MACROD2: variants seen among roughly 807,000 people sequenced by gnomAD.
The protein encoded by MACROD2 is ADP-ribose glycohydrolase MACROD2.
In MACROD2, 36 loss-of-function variants were observed where a neutral mutation model predicts 70.4. That is an observed-to-expected ratio of 0.51 (90% CI 0.39 to 0.68). The LOEUF is 0.68. Ranked by LOEUF, MACROD2 falls within the 30% of genes least tolerant of loss-of-function variation. The probability of loss-of-function intolerance (pLI) is 0.00; values close to 1 mark genes in which losing one functional copy is unlikely to be tolerated. For synonymous variants in MACROD2, 172 were observed against 178.8 expected, an observed-to-expected ratio of 0.96 and a Z score of 0.30; for missense variants, 496 against 538.4, an observed-to-expected ratio of 0.92 and a Z score of 0.78.
intron 5 of MACROD2, among the ~76,000 whole-genome samples, chr20:15,113,729 A>T (rs2123228008): frequency 6.6e-6 from 1 of 151,362 alleles, no homozygotes; most frequent in Admixed American, 6.6e-5. Flanking sequence ...TGAACAAAAA[A>T]CTTAAAGATA....
chr20:14,674,811 C>A (rs547561880), intron 4 of MACROD2, among the ~76,000 whole-genome samples: 1 of 152,088 alleles, frequency 6.6e-6, no homozygotes, highest in Non-Finnish European at 1.5e-5. Context: ...TTTAAAGAAC[C>A]CTGTTGTATC....
chr20:15,466,584 T>C (rs2046892749), intron 7 of MACROD2, among the ~76,000 whole-genome samples: 1 of 152,232 alleles, frequency 6.6e-6, no homozygotes. Flanking sequence ...CTCATCATTC[T>C]TTGCTATTCC....
chr20:14,227,581 A>T (rs2081753760), intron 3 of MACROD2, among the ~76,000 whole-genome samples: 1 of 152,224 alleles, frequency 6.6e-6, no homozygotes, highest in African/African-American at 2.4e-5. Context: ...CTCCGAACGC[A>T]TCTGAACATC....
At chr20:15,561,056 T>C (rs140037868) in intron 8 of MACROD2, among the ~76,000 whole-genome samples, 2 of 152,190 alleles carry the variant, frequency 1.3e-5, no homozygotes, top group Non-Finnish European at 2.9e-5. Context: ...ACAGACACTG[T>C]GATACTCTTG....
chr20:14,354,502 A>C (rs2083154917), intron 3 of MACROD2, among the ~76,000 whole-genome samples: 1 of 152,108 alleles, frequency 6.6e-6, no homozygotes, highest in Admixed American at 6.5e-5. Flanking sequence ...CAGTTTTTAA[A>C]GTGATGGATG....
intron 8 of MACROD2, among the ~76,000 whole-genome samples, chr20:15,570,029 G>A (rs2048356917): frequency 1.3e-5 from 2 of 152,088 alleles, no homozygotes; most frequent in Non-Finnish European, 2.9e-5. Context: ...GGATTATATG[G>A]TAGTTTTATT....
chr20:15,725,346 G>A lies in MACROD2; in HGVS notation c.646-137399G>A, dbSNP rs182531556. 3.1e-3 allele frequency among the ~76,000 whole-genome samples: 464 copies of A among 151,524 alleles called. 3 individuals are homozygous for A. Among genetic ancestry groups the A allele is most frequent in the African/African-American group, 0.01 (434 of 41,370 alleles). On this transcript the variant is annotated intron_variant, in intron 8 of 17. Coordinates refer to ENST00000684519, the MANE Select transcript of MACROD2 (RefSeq NM_001351661.2). ...TAAGTATTTCATTTTGGGGATGTTAGTATGAACGGTAATGTGTTTTTAATG... is the reference window on the plus strand; with the variant it reads ...TAAGTATTTCATTTTGGGGATGTTAATATGAACGGTAATGTGTTTTTAATG...
At chr20:15,623,310 A>T (rs2049154344) in intron 8 of MACROD2, among the ~76,000 whole-genome samples, 1 of 152,260 alleles carries the variant, frequency 6.6e-6, no homozygotes, top group Non-Finnish European at 1.5e-5. Flanking sequence ...AATGAAACAT[A>T]TCCACCAAGT....
chr20:14,852,873 C>T (rs1266623186), intron 5 of MACROD2, among the ~76,000 whole-genome samples: 2 of 152,162 alleles, frequency 1.3e-5, no homozygotes, highest in East Asian at 1.9e-4. Flanking sequence ...TCCCTAGGTA[C>T]TCTGTGTGAA....
intron 6 of MACROD2, among the ~76,000 whole-genome samples, chr20:15,325,294 A>G (rs1035311540): frequency 5.9e-5 from 9 of 152,180 alleles, no homozygotes; most frequent in Non-Finnish European, 1.3e-4. Flanking sequence ...TTGAGGTACA[A>G]GGAAATGGAT....
At position 14,311,483 on chromosome 20, in the gene MACROD2, AT is replaced by A. The variant is rs532820004; in HGVS notation, c.272-181995del. Among the ~76,000 whole-genome samples the A allele has an allele frequency of 4.6e-5, 7 of 152,216 alleles. No homozygotes were observed. The South Asian group carries it at 1.5e-3, about 32-fold the overall frequency. Reference sequence around the variant, plus strand: ...GCCTAGCAATGCATTTTTTGAACATATCCTGTGGTTAAGTGACACATAACTG... The same window carrying A: ...GCCTAGCAATGCATTTTTTGAACATACCTGTGGTTAAGTGACACATAACTG... On this transcript the variant is annotated intron_variant, in intron 3 of 17. Coordinates refer to ENST00000684519, the MANE Select transcript of MACROD2 (RefSeq NM_001351661.2).
intron 6 of MACROD2, among the ~76,000 whole-genome samples, chr20:15,287,431 T>C (rs1245457359): frequency 6.6e-6 from 1 of 152,224 alleles, no homozygotes. Flanking sequence ...TAACTACAAA[T>C]CTGGTAATAT....
chr20:14,978,479 T>C (rs1489844159), intron 5 of MACROD2, among the ~76,000 whole-genome samples: 2 of 150,912 alleles, frequency 1.3e-5, no homozygotes, highest in Admixed American at 6.7e-5. Context: ...CAATGGCCAG[T>C]GTAATTAAAC....
chr20:15,481,973 G>T (rs892618029), intron 7 of MACROD2, among the ~76,000 whole-genome samples: 4 of 152,100 alleles, frequency 2.6e-5, no homozygotes, highest in African/African-American at 9.7e-5. Flanking sequence ...GCATTGGGGG[G>T]TTTGTGAATC....
chr20:14,307,877 GTTAT>G (rs2082534034), intron 3 of MACROD2, among the ~76,000 whole-genome samples: 1 of 152,042 alleles, frequency 6.6e-6, no homozygotes, highest in Non-Finnish European at 1.5e-5. Flanking sequence ...GAAGTATGGG[GTTAT>G]TTGTCATGTC....
chr20:15,900,737 G>A (rs1305297897), intron 10 of MACROD2, among the ~76,000 whole-genome samples: 1 of 152,162 alleles, frequency 6.6e-6, no homozygotes, highest in Non-Finnish European at 1.5e-5. Flanking sequence ...CAAGTTTGGT[G>A]ATAACATATA....
chr20:14,757,781 G>C, intron 5 of MACROD2: 1 of 1,532,910 alleles, frequency 6.5e-7, no homozygotes, highest in Non-Finnish European at 9.0e-7. Flanking sequence ...TCCCAATGAG[G>C]GTATCCAGTA....
intron 3 of MACROD2, among the ~76,000 whole-genome samples, chr20:14,198,173 G>A (rs1475146922): frequency 1.3e-5 from 2 of 151,398 alleles, no homozygotes; most frequent in African/African-American, 2.4e-5. Context: ...AGAGAGAGAA[G>A]GTAAGAGGGA....
intron 13 of MACROD2, among the ~76,000 whole-genome samples, chr20:15,971,970 C>T (rs925447245): frequency 6.6e-6 from 1 of 152,052 alleles, no homozygotes; most frequent in Non-Finnish European, 1.5e-5. Flanking sequence ...AACTCTGTTC[C>T]ACATATTTAC....
Sources: gnomAD v4.1 joint callset for allele counts (sites outside exome capture counted in the v4.1 genomes callset) on GRCh38, gnomAD v4.1.1 for gene constraint, MANE v1.5 for transcripts, NCBI Gene and HGNC (gene_info 2026-07-23, HGNC 2026-07-21) for gene names.